Variants in NBPF6 observed in about 807,000 individuals in gnomAD.
The protein encoded by NBPF6 is NBPF family member NBPF6.
Under a neutral mutation model 20.8 loss-of-function variants are expected in NBPF6, and 2 were observed. That is an observed-to-expected ratio of 0.10 (90% CI 0.04 to 0.30). The LOEUF (loss-of-function observed/expected upper bound fraction) is 0.30. NBPF6 is among the 10% of genes least tolerant of loss of function. NBPF6 has a pLI of 1.00. For synonymous variants in NBPF6, 24 were observed against 100.0 expected (o/e 0.24, Z 4.53); for missense variants, 85 against 260.3 (o/e 0.33, Z 4.63).
At position 108,471,122 on chromosome 1, in the gene NBPF6, C is replaced by T. The variant is rs1477745845; in HGVS notation, c.*484C>T. ...GTCCATGTCACCACCAAGAAAACAA[C>T]AAAAAGGAGAAGAGACATTTTGAGT... is the stretch of plus-strand genomic sequence containing the variant. On this transcript the variant is annotated 3_prime_UTR_variant, in exon 15 of 15. Transcript: ENST00000495380. 6.6e-6 allele frequency: 1 copy of T among 152,296 alleles called. No homozygotes were observed. The highest frequency in any genetic ancestry group is 1.5e-5 in the Non-Finnish European group (1 of 68,146). 9.4% of individuals were successfully genotyped at this position (152,296 alleles called of 1,614,324 possible). A position where few individuals can be genotyped will look rare whatever the true frequency, so the allele number is the denominator to read the frequency against.
In NBPF6 at chr1:108,470,741, T is replaced by C. The variant is rs1653420013; in HGVS notation, c.*103T>C. The C allele has an allele frequency of 4.8e-6, 4 of 840,066 alleles. No individual in the cohort carries two copies. The highest frequency in any genetic ancestry group is 5.6e-5 in the Admixed American group (2 of 35,836). The allele number at this position is 840,066 out of a possible 1,614,324, so 52.0% of individuals were successfully genotyped here. On this transcript the variant is annotated 3_prime_UTR_variant, in exon 15 of 15. Transcript: ENST00000495380. Reference sequence around the variant, plus strand: ...TACTGCAGGGGTCCTTCACTGAGGATTGAATTTCAGACACAGAATACTCTT... The same window carrying C: ...TACTGCAGGGGTCCTTCACTGAGGACTGAATTTCAGACACAGAATACTCTT...
the NBPF6 span, among the ~76,000 whole-genome samples, chr1:108,440,272 T>A: frequency 8.0e-5 from 1 of 12,448 alleles, no homozygotes; most frequent in Admixed American, 1.1e-3. Context: ...AGAGCAAAAC[T>A]CCGCCAAAAA....
Position 108,471,776 on chromosome 1 carries a change from C to A in NBPF6, c.*1138C>A, listed in dbSNP as rs868095677. Among the ~76,000 whole-genome samples, 43 of 152,274 alleles carry A rather than the reference C, an allele frequency of 2.8e-4. No individual in the cohort carries two copies. The highest frequency in any genetic ancestry group is 3.4e-3 in the Middle Eastern group (1 of 294). ...AAGTTAAAATGTTAAAGTTTTAAATCACTTTAATTAAATTTTTTTGCCTAT... is the reference window on the plus strand; with the variant it reads ...AAGTTAAAATGTTAAAGTTTTAAATAACTTTAATTAAATTTTTTTGCCTAT... On this transcript the variant is annotated 3_prime_UTR_variant, in exon 15 of 15. Transcript: ENST00000495380.
intron 9 of NBPF6, among the ~76,000 whole-genome samples, chr1:108,459,555 C>T (rs1354185044): frequency 7.1e-6 from 1 of 141,006 alleles, no homozygotes; most frequent in Non-Finnish European, 1.6e-5. Context: ...GCCTCAAAAC[C>T]TATGTTTACT....
At position 108,471,890 on chromosome 1, in the gene NBPF6, A is replaced by G. The variant is rs1653494420; in HGVS notation, c.*1252A>G. On this transcript the variant is annotated 3_prime_UTR_variant, in exon 15 of 15. Transcript: ENST00000495380. ...ATGGATAAGAATATAGATTAATAAA[A>G]ACATTCTTATTTACCTGTTTATATT... Among the ~76,000 whole-genome samples, 1 of 152,172 alleles carries G rather than the reference A, an allele frequency of 6.6e-6. No homozygotes were observed. The highest frequency in any genetic ancestry group is 6.5e-5 in the Admixed American group (1 of 15,272).
At chr1:108,459,336 A>G (rs867290451) in intron 9 of NBPF6, among the ~76,000 whole-genome samples, 6 of 118,588 alleles carry the variant, frequency 5.1e-5, no homozygotes, top group Non-Finnish European at 1.1e-4. Context: ...TGAACAACTA[A>G]TCAGTCACAC....
upstream of NBPF6, among the ~76,000 whole-genome samples, chr1:108,449,041 G>A (rs565361073): frequency 3.8e-5 from 1 of 26,172 alleles, no homozygotes; most frequent in African/African-American, 6.6e-5. Context: ...GTGGAGGATG[G>A]TGCGGGCTGC....
intron 9 of NBPF6, among the ~76,000 whole-genome samples, chr1:108,459,543 A>G (rs1440059665): frequency 6.9e-6 from 1 of 145,328 alleles, no homozygotes; most frequent in African/African-American, 2.5e-5. Context: ...GGATACGATT[A>G]TGCCTCAAAA....
upstream of NBPF6, among the ~76,000 whole-genome samples, chr1:108,449,057 T>G (rs2792272): frequency 1.3e-3 from 31 of 24,314 alleles, no homozygotes; most frequent in African/African-American, 2.0e-3. Flanking sequence ...GCTGCTGAGA[T>G]GTGCGCTTTC....
At chr1:108,449,432 A>C (rs180777752), upstream of NBPF6, among the ~76,000 whole-genome samples, 7 of 6,010 alleles carry the variant, frequency 1.2e-3, no homozygotes, top group African/African-American at 2.4e-3. Flanking sequence ...ATATATATAT[A>C]TATATATATA....
chr1:108,428,159 A>T, the NBPF6 span, among the ~76,000 whole-genome samples: 2 of 63,934 alleles, frequency 3.1e-5, no homozygotes, highest in African/African-American at 1.0e-4. Context: ...GTTTATTTGA[A>T]TTTTCTCTCT....
chr1:108,453,008 G>GTGTATA (rs1471016532), intron 3 of NBPF6, among the ~76,000 whole-genome samples, 173 bp from the exon 4 acceptor site: 3 of 59,868 alleles, frequency 5.0e-5, no homozygotes, highest in African/African-American at 1.9e-4. Flanking sequence ...GTGTGTGTGT[G>GTGTATA]TATATATATA....
In NBPF6 at chr1:108,459,107, C is replaced by A; in HGVS notation, c.1026C>A (p.Pro342=). 1 of 446,380 alleles carries A rather than the reference C, an allele frequency of 2.2e-6. No homozygotes were observed. The highest frequency in any genetic ancestry group is 4.0e-6 in the Non-Finnish European group (1 of 250,764). 27.7% of individuals were successfully genotyped at this position (446,380 alleles called of 1,614,324 possible). A position where few individuals can be genotyped will look rare whatever the true frequency, so the allele number is the denominator to read the frequency against. ...EEVKGQETVA[P]RLSRGPLRVD... The stretch of plus-strand genomic sequence containing the variant: ...TGAAAGGACAAGAAACAGTTGCTCC[C>A]AGGTAATTGAGAAAAATCAGGGGCT... Residue 342 remains proline, a splice_region_variant and synonymous_variant, in exon 9 of 15, where the codon CCC becomes CCA. Coordinates refer to ENST00000495380, the MANE Select transcript of NBPF6 (RefSeq NM_001143988.2).
the NBPF6 span, among the ~76,000 whole-genome samples, chr1:108,442,372 A>G: frequency 6.6e-6 from 1 of 152,360 alleles, no homozygotes; most frequent in Non-Finnish European, 1.5e-5. Flanking sequence ...TGGTAAAAGA[A>G]CAAAACAATA....
chr1:108,471,913 A>G lies in NBPF6; in HGVS notation c.*1275A>G, dbSNP rs1653495350. 6.6e-6 allele frequency among the ~76,000 whole-genome samples: 1 copy of G among 152,202 alleles called. No individual in the cohort carries two copies. The highest frequency in any genetic ancestry group is 1.5e-5 in the Non-Finnish European group (1 of 68,022). Reference sequence around the variant, plus strand: ...AAAACATTCTTATTTACCTGTTTATATTCTAAAGTATTCCATATTTTAGTC... The same window carrying G: ...AAAACATTCTTATTTACCTGTTTATGTTCTAAAGTATTCCATATTTTAGTC... On this transcript the variant is annotated 3_prime_UTR_variant, in exon 15 of 15. Coordinates refer to ENST00000495380, the MANE Select transcript of NBPF6 (RefSeq NM_001143988.2).
chr1:108,429,664 A>G, the NBPF6 span, among the ~76,000 whole-genome samples: 4 of 147,034 alleles, frequency 2.7e-5, no homozygotes, highest in Non-Finnish European at 6.0e-5. Flanking sequence ...TTGAGTTCTA[A>G]TTTGATTGCA....
In NBPF6 at chr1:108,471,763, T is replaced by G. The variant is rs2101068802; in HGVS notation, c.*1125T>G. Among the ~76,000 whole-genome samples, 1 of 152,356 alleles carries G rather than the reference T, an allele frequency of 6.6e-6. No individual in the cohort carries two copies. The highest frequency in any genetic ancestry group is 1.5e-5 in the Non-Finnish European group (1 of 68,036). On this transcript the variant is annotated 3_prime_UTR_variant, in exon 15 of 15. Transcript: ENST00000495380. ...TTTTAGTCCATTAAAGTTAAAATGTTAAAGTTTTAAATCACTTTAATTAAA... is the reference window on the plus strand; with the variant it reads ...TTTTAGTCCATTAAAGTTAAAATGTGAAAGTTTTAAATCACTTTAATTAAA...
In NBPF6 at chr1:108,471,893, ATTC is replaced by A. The variant is rs370363896; in HGVS notation, c.*1258_*1260del. Among the ~76,000 whole-genome samples, 495 of 152,322 alleles carry A rather than the reference ATTC, an allele frequency of 3.2e-3. 2 individuals are homozygous for A. Among genetic ancestry groups the A allele is most frequent in the African/African-American group, 0.011 (474 of 41,560 alleles). On this transcript the variant is annotated 3_prime_UTR_variant, in exon 15 of 15. Coordinates refer to ENST00000495380, the MANE Select transcript of NBPF6 (RefSeq NM_001143988.2). Reference sequence around the variant, plus strand: ...GATAAGAATATAGATTAATAAAAACATTCTTATTTACCTGTTTATATTCTAAAG... The same window carrying A: ...GATAAGAATATAGATTAATAAAAACATTATTTACCTGTTTATATTCTAAAG...
chr1:108,469,461 T>G (rs1653341956), intron 14 of NBPF6, among the ~76,000 whole-genome samples: 1 of 151,072 alleles, frequency 6.6e-6, no homozygotes, highest in African/African-American at 2.5e-5. Context: ...AAGACTGAAA[T>G]GCTGCAAGAG....
Sources: gnomAD v4.1 joint callset for allele counts (sites outside exome capture counted in the v4.1 genomes callset) on GRCh38, gnomAD v4.1.1 for gene constraint, MANE v1.5 for transcripts, NCBI Gene and HGNC (gene_info 2026-07-23, HGNC 2026-07-21) for gene names.